Variants in ZNF518A observed in about 807,000 individuals in gnomAD.
The protein encoded by ZNF518A is zinc finger protein 518A.
A neutral mutation model predicts 102.7 loss-of-function variants in ZNF518A; 47 were observed. The observed-to-expected ratio is 0.46, with a 90% CI of 0.36 to 0.58. ZNF518A has a LOEUF of 0.58. ZNF518A is among the 20% of genes least tolerant of loss of function. The probability of loss-of-function intolerance (pLI) is 0.00; values close to 1 mark genes in which losing one functional copy is unlikely to be tolerated. For missense variants in ZNF518A, 1,793 were observed against 1,699.8 expected (o/e 1.05, Z -0.96); for synonymous variants, 652 against 594.6 (o/e 1.10, Z -1.40).
intron 3 of ZNF518A, among the ~76,000 whole-genome samples, chr10:96,152,837 A>G (rs1276231436): frequency 3.3e-5 from 5 of 152,232 alleles, no homozygotes; most frequent in African/African-American, 1.2e-4. Flanking sequence ...ATGGGACCAC[A>G]TTTGTTTATT....
rs186854193 is a variant in ZNF518A, at chr10:96,159,842, G to C, written c.3520G>C (p.Val1174Leu). 2 of 1,613,494 alleles carry C rather than the reference G, an allele frequency of 1.2e-6. No homozygotes were observed. Among genetic ancestry groups the C allele is most frequent in the East Asian group, 2.2e-5 (1 of 44,864 alleles). Residue 1174 changes from valine (V) to leucine (L), a missense_variant, in exon 6 of 6, where the codon GTA becomes CTA. Physicochemically the swap from Val to Leu is conservative, Grantham distance 32. Coordinates refer to ENST00000316045, the MANE Select transcript of ZNF518A (RefSeq NM_001330736.2). ...NSASSLQKDN[V>L]PSNQIIGGEQ... is the part of the protein sequence containing the mutation. Reference sequence around the variant, plus strand: ...TGCATCCTCATTGCAAAAAGACAACGTACCATCTAATCAGATTATAGGAGG... The same window carrying C: ...TGCATCCTCATTGCAAAAAGACAACCTACCATCTAATCAGATTATAGGAGG...
At position 96,191,045 on chromosome 10, in the gene ZNF518A, C is replaced by T. The variant is rs373658736; in HGVS notation, n.36-12529C>T. On this transcript the variant is annotated intron_variant and non_coding_transcript_variant, in intron 1 of 2. Coordinates refer to the ZNF518A transcript ENST00000442635. The stretch of plus-strand genomic sequence containing the variant: ...CCTGGTGGGAGGTAACTGAATCACG[C>T]GGGCAGGTTTTCCCATGTTGTTGTG... Among the ~76,000 whole-genome samples, 125 of 152,142 alleles carry T rather than the reference C, an allele frequency of 8.2e-4. No homozygotes were observed. In the Middle Eastern group the frequency reaches 0.014, roughly 17 times the overall value.
rs142995672 is a variant in ZNF518A, at chr10:96,190,228, G to A, written n.36-13346G>A. The A allele has an allele frequency of 4.6e-4, 346 of 753,488 alleles. 2 individuals are homozygous for A. Among genetic ancestry groups the A allele is most frequent in the African/African-American group, 4.2e-3 (245 of 58,844 alleles). 46.7% of individuals were successfully genotyped at this position (753,488 alleles called of 1,614,324 possible). On this transcript the variant is annotated intron_variant and non_coding_transcript_variant, in intron 1 of 2. Coordinates refer to the ZNF518A transcript ENST00000442635. ...TCCATCGAATCTTCCATCAGGTGGC[G>A]GCACACACTTAGGTGGGAGAGAAAG...
chr10:96,146,260 C>T (rs970662360), intron 3 of ZNF518A, among the ~76,000 whole-genome samples: 3 of 152,084 alleles, frequency 2.0e-5, no homozygotes, highest in African/African-American at 4.8e-5. Context: ...ATTTTATAAA[C>T]GATGGCACAA....
At chr10:96,185,746 C>T (rs919399897) in intron 1 of ZNF518A, among the ~76,000 whole-genome samples, 4 of 152,178 alleles carry the variant, frequency 2.6e-5, no homozygotes, top group Admixed American at 1.3e-4. Context: ...AGGTGTCTCC[C>T]AGTTAGGCTA....
In ZNF518A at chr10:96,157,221, A is replaced by G. The variant is rs782136096; in HGVS notation, c.899A>G (p.Tyr300Cys). ...YAKEKLEKDKYEKRMAKTSAG... is the reference protein window; with the variant it reads ...YAKEKLEKDKCEKRMAKTSAG... ...AAAGAAAAACTGGAAAAAGACAAAT[A>G]TGAAAAAAGAATGGCAAAGACTTCT... The change falls in exon 6 of 6, where the codon TAT (tyrosine) becomes TGT (cysteine). Residue 300 changes from tyrosine to cysteine, a missense_variant. Physicochemically the swap from Tyr to Cys is radical, Grantham distance 194. Transcript: ENST00000316045. The G allele has an allele frequency of 1.2e-6, 2 of 1,609,448 alleles. No individual in the cohort carries two copies. The highest frequency in any genetic ancestry group is 3.4e-5 in the Admixed American group (2 of 59,004).
intron 1 of ZNF518A, among the ~76,000 whole-genome samples, chr10:96,193,328 G>A (rs1184982269): frequency 3.9e-5 from 6 of 152,182 alleles, no homozygotes; most frequent in Admixed American, 2.6e-4. Context: ...GCCAGAAAAC[G>A]AAATAGCACA....
intron 3 of ZNF518A, among the ~76,000 whole-genome samples, chr10:96,152,138 C>A (rs1264749433): frequency 6.6e-6 from 1 of 151,878 alleles, no homozygotes; most frequent in Non-Finnish European, 1.5e-5. Context: ...ATGGCAAAAC[C>A]TCATCTATGC....
At chr10:96,177,002 A>G (rs2133888670) in intron 1 of ZNF518A, among the ~76,000 whole-genome samples, 1 of 151,640 alleles carries the variant, frequency 6.6e-6, no homozygotes. Context: ...ACTTGAGCCC[A>G]TGAGGTTGAG....
rs1343460522 is a variant in ZNF518A at position 96,162,175 on chromosome 10, G to A, written c.*1401G>A. 6.0e-6 allele frequency: 1 copy of A among 166,814 alleles called. No homozygotes were observed. The highest frequency in any genetic ancestry group is 1.5e-5 in the Non-Finnish European group (1 of 68,010). 10.3% of individuals were successfully genotyped at this position (166,814 alleles called of 1,614,324 possible). On this transcript the variant is annotated 3_prime_UTR_variant, in exon 6 of 6. Coordinates refer to ENST00000316045, the MANE Select transcript of ZNF518A (RefSeq NM_001330736.2). Reference sequence around the variant, plus strand: ...ACAAATTAAGTCTGTACATATTTTTGTACCTTTTATGTAAATTTTGCACAG... The same window carrying A: ...ACAAATTAAGTCTGTACATATTTTTATACCTTTTATGTAAATTTTGCACAG...
chr10:96,198,987 C>T (rs1160336269), intron 1 of ZNF518A, among the ~76,000 whole-genome samples: 1 of 152,220 alleles, frequency 6.6e-6, no homozygotes, highest in African/African-American at 2.4e-5. Flanking sequence ...GCATAAGCCA[C>T]TGCGCCTGGC....
chr10:96,178,807 T>G (rs902962379), intron 1 of ZNF518A, among the ~76,000 whole-genome samples: 9 of 152,002 alleles, frequency 5.9e-5, no homozygotes, highest in African/African-American at 2.2e-4. Flanking sequence ...GTTATACAAA[T>G]AAATTTGGTA....
chr10:96,160,092 A>C lies in ZNF518A; in HGVS notation c.3770A>C (p.Lys1257Thr). 6.2e-7 allele frequency: 1 copy of C among 1,608,280 alleles called. No homozygotes were observed. Residue 1257 changes from lysine to threonine, a missense_variant, in exon 6 of 6, where the codon AAA becomes ACA. Lys to Thr is a moderately conservative substitution (Grantham distance 78). Coordinates refer to ENST00000316045, the MANE Select transcript of ZNF518A (RefSeq NM_001330736.2). Reference sequence around the variant, plus strand: ...AAGACTTCCAAAAAAATTTTTTCAAAAACAAAAACTCATGGAAGTAAAGAC... The same window carrying C: ...AAGACTTCCAAAAAAATTTTTTCAACAACAAAAACTCATGGAAGTAAAGAC... ...RKKTSKKIFS[K>T]TKTHGSKDSE...
At chr10:96,152,726 G>A (rs1038722421) in intron 3 of ZNF518A, among the ~76,000 whole-genome samples, 8 of 152,280 alleles carry the variant, frequency 5.3e-5, no homozygotes, top group Non-Finnish European at 7.4e-5. Flanking sequence ...CCTGTATAGC[G>A]TATTACTGTA....
chr10:96,138,266 C>T (rs1013563677), intron 3 of ZNF518A, among the ~76,000 whole-genome samples: 10 of 152,310 alleles, frequency 6.6e-5, no homozygotes, highest in South Asian at 2.1e-4. Context: ...CCAGTAGCTT[C>T]CTCTCTGATT....
chr10:96,181,801 G>A (rs1411244923), intron 1 of ZNF518A, among the ~76,000 whole-genome samples: 1 of 152,132 alleles, frequency 6.6e-6, no homozygotes, highest in Non-Finnish European at 1.5e-5. Context: ...TTTTTGATTA[G>A]GATTGTCTTG....
chr10:96,135,257 G>A (rs933554282), intron 3 of ZNF518A: 1 of 152,212 alleles, frequency 6.6e-6, no homozygotes, highest in Non-Finnish European at 1.5e-5. Flanking sequence ...GAGATGGATG[G>A]TGGTAGTGCC....
chr10:96,169,940 G>A (rs1554890718), intron 1 of ZNF518A, among the ~76,000 whole-genome samples: 1 of 152,176 alleles, frequency 6.6e-6, no homozygotes, highest in Admixed American at 6.5e-5. Context: ...CAGCTAATAA[G>A]TAGACAGAGA....
intron 1 of ZNF518A, chr10:96,189,716 C>CATG (rs2083299349): frequency 1.4e-6 from 1 of 716,012 alleles, no homozygotes; most frequent in Admixed American, 1.9e-5. Flanking sequence ...TCATCATCAT[C>CATG]ATCATCATCA....
Sources: gnomAD v4.1 joint callset for allele counts (sites outside exome capture counted in the v4.1 genomes callset) on GRCh38, gnomAD v4.1.1 for gene constraint, MANE v1.5 for transcripts, NCBI Gene and HGNC (gene_info 2026-07-23, HGNC 2026-07-21) for gene names.